ZC3H12B: variants seen among roughly 807,000 people sequenced by gnomAD.
ZC3H12B encodes the protein probable ribonuclease ZC3H12B.
In ZC3H12B, 7 loss-of-function variants were observed where a neutral mutation model predicts 43.9. The observed-to-expected ratio is 0.16, with a 90% CI of 0.09 to 0.30. ZC3H12B has a LOEUF of 0.30. Among genes scored for constraint, ZC3H12B ranks in the 10% least tolerant of loss-of-function variants. The pLI, the probability that ZC3H12B is intolerant of heterozygous loss-of-function variation, is 1.00. For synonymous variants in ZC3H12B, 222 were observed against 241.7 expected (o/e 0.92, Z 0.76); for missense variants, 475 against 670.2 (o/e 0.71, Z 3.22).
At chrX:65,408,614 G>T (rs1368294408) in intron 3 of ZC3H12B, 1 of 1,118,672 alleles carries the variant, frequency 8.9e-7, no homozygotes, top group Non-Finnish European at 1.2e-6. Context: ...ATCTCACTTG[G>T]CAATAAAAGA....
the ZC3H12B span, among the ~76,000 whole-genome samples, chrX:65,152,298 T>G: frequency 2.2e-3 from 244 of 111,530 alleles, 1 homozygote; most frequent in African/African-American, 7.5e-3. Flanking sequence ...AATTGTCCCT[T>G]TTTGCAGATG....
At chrX:65,153,194 C>A in the ZC3H12B span, among the ~76,000 whole-genome samples, 1 of 112,027 alleles carries the variant, frequency 8.9e-6, no homozygotes, top group Non-Finnish European at 1.9e-5. Context: ...ATGTCTAAAA[C>A]ACCAAAAGCA....
the ZC3H12B span, among the ~76,000 whole-genome samples, chrX:65,266,262 A>T: frequency 8.9e-6 from 1 of 112,099 alleles, no homozygotes; most frequent in Non-Finnish European, 1.9e-5. Flanking sequence ...AATTAGACAG[A>T]TTAGAAATAT....
chrX:65,481,739 A>C (rs1602515778), intron 3 of ZC3H12B, among the ~76,000 whole-genome samples: 1 of 112,452 alleles, frequency 8.9e-6, no homozygotes, highest in Admixed American at 9.5e-5. Flanking sequence ...TTACTCCTGC[A>C]GCTGAGATAA....
the ZC3H12B span, among the ~76,000 whole-genome samples, chrX:65,041,015 T>C: frequency 1.8e-5 from 2 of 112,292 alleles, no homozygotes; most frequent in Non-Finnish European, 3.8e-5. Context: ...TGAGCTCAAG[T>C]GATCCGCCCA....
At chrX:65,269,661 G>A in the ZC3H12B span, among the ~76,000 whole-genome samples, 1 of 109,528 alleles carries the variant, frequency 9.1e-6, no homozygotes. Context: ...CATCACACCT[G>A]GCTTTTTTTT....
At chrX:65,502,425 C>T (rs756485687) in exon 5 of ZC3H12B, 4 of 1,210,819 alleles carry the variant, frequency 3.3e-6, no homozygotes, top group Non-Finnish European at 4.5e-6. Context: ...GGGGTGTATG[C>T]CCGGAATCCT....
chrX:65,449,005 A>AGAGAG, intron 3 of ZC3H12B, among the ~76,000 whole-genome samples: 3 of 105,525 alleles, frequency 2.8e-5, no homozygotes, highest in Non-Finnish European at 5.9e-5. Flanking sequence ...GAGGAAAGAA[A>AGAGAG]GAAAGAAAGG....
At chrX:65,072,396 A>G in the ZC3H12B span, among the ~76,000 whole-genome samples, 1 of 112,475 alleles carries the variant, frequency 8.9e-6, no homozygotes, top group African/African-American at 3.2e-5. Context: ...AATTTCAACC[A>G]TCTCAGCCTG....
chrX:65,216,495 C>A, the ZC3H12B span, among the ~76,000 whole-genome samples: 1 of 111,584 alleles, frequency 9.0e-6, no homozygotes, highest in East Asian at 2.8e-4. Context: ...CACTGGCTGA[C>A]TAAAGTGTCC....
At chrX:65,090,362 C>A in the ZC3H12B span, among the ~76,000 whole-genome samples, 1 of 111,522 alleles carries the variant, frequency 9.0e-6, no homozygotes, top group African/African-American at 3.3e-5. Flanking sequence ...TATAGCTAGG[C>A]CTCTTGTCTC....
At chrX:65,060,972 G>A in the ZC3H12B span, among the ~76,000 whole-genome samples, 1 of 111,132 alleles carries the variant, frequency 9.0e-6, no homozygotes. Flanking sequence ...GGTTTTGGAT[G>A]TCTTCCTGTG....
intron 3 of ZC3H12B, among the ~76,000 whole-genome samples, chrX:65,468,351 C>A (rs1161981433): frequency 1.8e-5 from 2 of 111,774 alleles, no homozygotes. Flanking sequence ...GTTTTGATTA[C>A]TATAGCCTTG....
At chrX:65,463,720 T>C (rs1219459093) in intron 3 of ZC3H12B, among the ~76,000 whole-genome samples, 1 of 111,481 alleles carries the variant, frequency 9.0e-6, no homozygotes. Context: ...GCGCATTCTT[T>C]TGTTTTCAGT....
upstream of ZC3H12B, chrX:65,366,610 A>T (rs1215868595): frequency 1.8e-5 from 2 of 111,565 alleles, no homozygotes; most frequent in East Asian, 5.7e-4. Context: ...ACAGTCACCA[A>T]TTCTGCTTGT....
At chrX:65,227,710 G>A in the ZC3H12B span, among the ~76,000 whole-genome samples, 464 of 110,660 alleles carry the variant, frequency 4.2e-3, 2 homozygotes, top group African/African-American at 7.1e-3. Flanking sequence ...TATCACCACC[G>A]ATCCCACAGA....
chrX:65,227,239 C>T, the ZC3H12B span, among the ~76,000 whole-genome samples: 15 of 111,222 alleles, frequency 1.3e-4, no homozygotes, highest in East Asian at 5.6e-4. Context: ...CACTCAAAAC[C>T]GCTCAACTAC....
the ZC3H12B span, among the ~76,000 whole-genome samples, chrX:65,284,230 A>G: frequency 3.2e-5 from 3 of 95,007 alleles, no homozygotes; most frequent in African/African-American, 1.0e-4. Context: ...ACAGATATCA[A>G]TGTAAGGACA....
intron 3 of ZC3H12B, among the ~76,000 whole-genome samples, chrX:65,450,895 A>G (rs199955543): frequency 3.2e-5 from 3 of 92,807 alleles, no homozygotes; most frequent in Non-Finnish European, 4.2e-5. Context: ...GTATATATGT[A>G]TATATATACA....
Sources: gnomAD v4.1 joint callset for allele counts (sites outside exome capture counted in the v4.1 genomes callset) on GRCh38, gnomAD v4.1.1 for gene constraint, MANE v1.5 for transcripts, NCBI Gene and HGNC (gene_info 2026-07-23, HGNC 2026-07-21) for gene names.